The following NOX3 variants were observed in gnomAD, a reference collection of about 807,000 sequenced individuals.
NOX3 encodes NADPH oxidase 3.
Under a neutral mutation model 76.7 loss-of-function variants are expected in NOX3, and 74 were observed. That is an observed-to-expected ratio of 0.96 (90% confidence interval 0.80 to 1.17). NOX3 has a LOEUF of 1.17. Among genes scored for constraint, NOX3 ranks in the 50% most tolerant of loss-of-function variants. The pLI, the probability that NOX3 is intolerant of heterozygous loss-of-function variation, is 0.00. For missense variants in NOX3, 695 were observed against 703.3 expected, an observed-to-expected ratio of 0.99 and a Z score of 0.13; for synonymous variants, 263 against 261.1, an observed-to-expected ratio of 1.01 and a Z score of -0.07.
intron 11 of NOX3, among the ~76,000 whole-genome samples, chr6:155,408,231 C>A (rs917752899): frequency 6.6e-6 from 1 of 152,148 alleles, no homozygotes; most frequent in Admixed American, 6.5e-5. Flanking sequence ...CATGATCCAC[C>A]CGCCTTGGCC....
chr6:155,449,958 A>C (rs758988227), intron 4 of NOX3, among the ~76,000 whole-genome samples: 1 of 152,208 alleles, frequency 6.6e-6, no homozygotes, highest in Non-Finnish European at 1.5e-5. Context: ...TTTCCTCCCA[A>C]AAGCGCAGTT....
chr6:155,451,417 C>T (rs1019803118), intron 4 of NOX3, among the ~76,000 whole-genome samples: 2 of 152,158 alleles, frequency 1.3e-5, no homozygotes, highest in Non-Finnish European at 2.9e-5. Flanking sequence ...AAATTATACT[C>T]CATCCTAAAA....
At chr6:155,398,111 A>AT (rs1582922676) in intron 12 of NOX3, among the ~76,000 whole-genome samples, 1 of 152,150 alleles carries the variant, frequency 6.6e-6, no homozygotes, top group Non-Finnish European at 1.5e-5. Context: ...TCTTTGTAGC[A>AT]TTTTTTCCAA....
chr6:155,399,306 A>T (rs1284282922), intron 12 of NOX3, among the ~76,000 whole-genome samples: 1 of 152,162 alleles, frequency 6.6e-6, no homozygotes, highest in Non-Finnish European at 1.5e-5. Flanking sequence ...TGCAGACCTG[A>T]TGGTGCCCTT....
Position 155,404,778 on chromosome 6 carries a change from G to A in NOX3, c.1580+2352C>T, listed in dbSNP as rs374289699. Among the ~76,000 whole-genome samples the A allele has an allele frequency of 6.5e-4, 99 of 152,284 alleles. 2 individuals are homozygous for A. In the East Asian group the frequency reaches 0.017, roughly 26 times the overall value. The stretch of plus-strand genomic sequence containing the variant: ...CAGGTTGCTGGGTGCAGGGTGCAGA[G>A]AGGGTTGGCAGGGGTCTCACAGAGC... On this transcript the variant is annotated intron_variant, in intron 12 of 13. Transcript: ENST00000159060.
In NOX3 at chr6:155,409,314, C is replaced by T. The variant is rs144551283; in HGVS notation, c.1455+1900G>A. On this transcript the variant is annotated intron_variant, in intron 11 of 13. Coordinates refer to ENST00000159060, the MANE Select transcript of NOX3 (RefSeq NM_015718.3). The stretch of plus-strand genomic sequence containing the variant: ...CTGTGCACAGTGTGATGGGTGAACA[C>T]GCATCCTTTGGTGGCTCTGGTGCCA... Among the ~76,000 whole-genome samples the T allele has an allele frequency of 1.6e-3, 245 of 152,144 alleles. 2 individuals are homozygous for T. The highest frequency in any genetic ancestry group is 5.3e-3 in the African/African-American group (222 of 41,496).
At chr6:155,435,544 A>G in intron 7 of NOX3, among the ~76,000 whole-genome samples, 1 of 152,294 alleles carries the variant, frequency 6.6e-6, no homozygotes, top group East Asian at 1.9e-4. Context: ...TAAACAACGC[A>G]ATCACTTATA....
rs1400712813 is a variant in NOX3, at chr6:155,455,733, A to T, written c.48+20T>A. The T allele has an allele frequency of 6.3e-7, 1 of 1,596,396 alleles. No homozygotes were observed. The highest frequency in any genetic ancestry group is 2.2e-5 in the East Asian group (1 of 44,754). ...ATTCAATCTATATATTTAAAGTTGAATAACAAAAATGATACTTACTACTAA... is the reference window on the plus strand; with the variant it reads ...ATTCAATCTATATATTTAAAGTTGATTAACAAAAATGATACTTACTACTAA... On this transcript the variant is annotated intron_variant, in intron 1 of 13. Transcript: ENST00000159060.
At chr6:155,449,372 C>G (rs1242381792) in intron 4 of NOX3, among the ~76,000 whole-genome samples, 2 of 152,056 alleles carry the variant, frequency 1.3e-5, no homozygotes, top group Non-Finnish European at 2.9e-5. Context: ...TACTACTTTT[C>G]AATTGGAAGG....
chr6:155,443,171 C>G, intron 5 of NOX3, 102 bp downstream of exon 5: 1 of 1,198,128 alleles, frequency 8.3e-7, no homozygotes, highest in Admixed American at 2.8e-5. Flanking sequence ...ATTCATTCTC[C>G]AGCTCTTTTA....
intron 4 of NOX3, among the ~76,000 whole-genome samples, chr6:155,445,347 G>A (rs974386224): frequency 3.3e-5 from 5 of 152,186 alleles, no homozygotes; most frequent in African/African-American, 1.2e-4. Context: ...GGGATCCTCC[G>A]TGGTTGTACA....
chr6:155,399,682 G>A (rs992850876), intron 12 of NOX3, among the ~76,000 whole-genome samples: 1 of 151,856 alleles, frequency 6.6e-6, no homozygotes, highest in Admixed American at 6.6e-5. Context: ...TGAATCACAG[G>A]GCAGAGAATC....
intron 11 of NOX3, among the ~76,000 whole-genome samples, chr6:155,407,705 G>T (rs1029021551): frequency 6.6e-6 from 1 of 152,208 alleles, no homozygotes; most frequent in African/African-American, 2.4e-5. Context: ...TGAAATGTCT[G>T]GGAAGAAACT....
At chr6:155,438,916 C>A (rs1388738580) in intron 6 of NOX3, among the ~76,000 whole-genome samples, 1 of 152,168 alleles carries the variant, frequency 6.6e-6, no homozygotes, top group Admixed American at 6.5e-5. Flanking sequence ...ACATTGCTGG[C>A]CACATTCTTG....
chr6:155,455,818 G>A lies in NOX3; in HGVS notation c.-18C>T, dbSNP rs142555923. ...CCCATCATGATACTTGTTGCTCTTC[G>A]GCTGTCAGGAAATTTCTTCTCCCTC... On this transcript the variant is annotated 5_prime_UTR_variant, in exon 1 of 14. Coordinates refer to ENST00000159060, the MANE Select transcript of NOX3 (RefSeq NM_015718.3). The A allele has an allele frequency of 4.3e-6, 7 of 1,612,968 alleles. No individual in the cohort carries two copies. In the Admixed American group the frequency reaches 5.0e-5, roughly 12 times the overall value.
chr6:155,423,053 C>G (rs990951803), intron 9 of NOX3, among the ~76,000 whole-genome samples, 197 bp from the exon 10 acceptor site: 6 of 152,162 alleles, frequency 3.9e-5, no homozygotes, highest in African/African-American at 9.7e-5. Flanking sequence ...TGGGAGACAA[C>G]GAGGTTGTCC....
chr6:155,399,489 A>G (rs1469500482), intron 12 of NOX3, among the ~76,000 whole-genome samples: 24 of 152,160 alleles, frequency 1.6e-4, no homozygotes, highest in Admixed American at 1.6e-3. Flanking sequence ...TGGTGATGCA[A>G]TCACCAAAAA....
chr6:155,429,007 T>C lies in NOX3; in HGVS notation c.932A>G (p.Lys311Arg), dbSNP rs1302101098. The C allele has an allele frequency of 1.9e-6, 3 of 1,610,612 alleles. No homozygotes were observed. The African/African-American group carries it at 4.0e-5, about 22-fold the overall frequency. ...TGGCGCCATTTTAAAGCCACGCTTT[T>C]TCATGTGAAGTTCCAGGACTCCAGA... ...HPSGVLELHMKKRGFKMAPGQ... is the reference protein window; with the variant it reads ...HPSGVLELHMRKRGFKMAPGQ... Residue 311 changes from lysine to arginine, a missense_variant, in exon 9 of 14, where the codon AAA becomes AGA. Lys to Arg is a conservative substitution (Grantham distance 26, BLOSUM62 2). Coordinates refer to ENST00000159060, the MANE Select transcript of NOX3 (RefSeq NM_015718.3).
chr6:155,451,228 C>T (rs1026686858), intron 4 of NOX3, among the ~76,000 whole-genome samples: 2 of 152,156 alleles, frequency 1.3e-5, no homozygotes, highest in African/African-American at 2.4e-5. Flanking sequence ...ATCCACCCGC[C>T]CCGGCCTCCC....
Sources: allele counts gnomAD v4.1 joint callset (sites outside exome capture counted in the v4.1 genomes callset), GRCh38; gene constraint gnomAD v4.1.1; transcripts MANE v1.5; gene names NCBI Gene and HGNC (gene_info 2026-07-23, HGNC 2026-07-21).